Variants in ADCY2 observed in about 807,000 individuals in gnomAD.
The protein encoded by ADCY2 is adenylate cyclase 2, also known as adenylate cyclase type 2.
Under a neutral mutation model 125.2 loss-of-function variants are expected in ADCY2, and 31 were observed. That is an observed-to-expected ratio of 0.25 (90% CI 0.19 to 0.33). ADCY2 has a LOEUF of 0.33. Among genes scored for constraint, ADCY2 ranks in the 10% least tolerant of loss-of-function variants. The probability of loss-of-function intolerance (pLI) is 1.00; values close to 1 mark genes in which losing one functional copy is unlikely to be tolerated. For missense variants in ADCY2, 904 were observed against 1,418.2 expected (o/e 0.64, Z 5.82); for synonymous variants, 512 against 548.4 (o/e 0.93, Z 0.93).
At chr5:7,628,598 A>G (rs933887432) in intron 4 of ADCY2, among the ~76,000 whole-genome samples, 1 of 152,218 alleles carries the variant, frequency 6.6e-6, no homozygotes, top group African/African-American at 2.4e-5. Context: ...GAGAAGGGAC[A>G]CTTTAAAGAA....
intron 16 of ADCY2, 33 bp from the exon 17 acceptor site, chr5:7,766,654 A>G (rs1028153351): frequency 2.1e-5 from 34 of 1,610,056 alleles, no homozygotes; most frequent in Non-Finnish European, 2.9e-5. Context: ...TCTAATTTAC[A>G]TTAATTCATT....
intron 14 of ADCY2, 135 bp from the exon 15 acceptor site, chr5:7,743,533 T>C: frequency 1.3e-6 from 1 of 775,104 alleles, no homozygotes; most frequent in East Asian, 2.5e-5. Context: ...GCTCCATTTT[T>C]ATTTCTCAAA....
chr5:7,777,742 C>T (rs555460916), intron 18 of ADCY2, among the ~76,000 whole-genome samples: 6 of 152,086 alleles, frequency 3.9e-5, no homozygotes, highest in South Asian at 2.1e-4. Flanking sequence ...GAGTTGGCAG[C>T]GGAAAAAGGA....
intron 3 of ADCY2, among the ~76,000 whole-genome samples, chr5:7,564,131 C>T (rs548425737): frequency 1.4e-3 from 209 of 152,230 alleles, no homozygotes; most frequent in African/African-American, 4.9e-3. Flanking sequence ...TCTTTTCTCC[C>T]CTTGAACATG....
At chr5:7,650,906 A>C (rs768693820) in intron 4 of ADCY2, among the ~76,000 whole-genome samples, 10 of 152,112 alleles carry the variant, frequency 6.6e-5, no homozygotes, top group Admixed American at 3.3e-4. Context: ...TGTTTGCATA[A>C]ATGGGTGCTG....
At chr5:7,796,273 G>T (rs1231445623) in intron 20 of ADCY2, 1 of 152,222 alleles carries the variant, frequency 6.6e-6, no homozygotes, top group African/African-American at 2.4e-5. Context: ...CAGGGAGGCA[G>T]TTCCATTCCT....
chr5:7,481,724 T>A (rs1046708462), intron 2 of ADCY2, among the ~76,000 whole-genome samples: 1 of 152,210 alleles, frequency 6.6e-6, no homozygotes, highest in African/African-American at 2.4e-5. Context: ...AACAGCAGTC[T>A]GTATATATCT....
intron 2 of ADCY2, among the ~76,000 whole-genome samples, chr5:7,417,095 T>C (rs989109662): frequency 1.3e-5 from 2 of 152,198 alleles, no homozygotes; most frequent in African/African-American, 4.8e-5. Context: ...CATCCAGAAA[T>C]ATGCTCTTTT....
chr5:7,762,056 G>C (rs760265663), intron 16 of ADCY2, among the ~76,000 whole-genome samples: 1 of 152,182 alleles, frequency 6.6e-6, no homozygotes, highest in Non-Finnish European at 1.5e-5. Context: ...GCTGCCTTCT[G>C]TAGCAGTAGG....
intron 2 of ADCY2, among the ~76,000 whole-genome samples, chr5:7,479,142 C>A (rs1036689393): frequency 3.3e-5 from 5 of 151,988 alleles, no homozygotes; most frequent in Non-Finnish European, 2.9e-5. Context: ...AATTATAGTT[C>A]ATGCATTGGT....
At chr5:7,519,480 A>G (rs552992313) in intron 2 of ADCY2, among the ~76,000 whole-genome samples, 31 of 152,232 alleles carry the variant, frequency 2.0e-4, no homozygotes, top group Admixed American at 1.2e-3. Context: ...AGCTGGCCAC[A>G]TGTCCCATTC....
chr5:7,712,722 C>T (rs1184350056), intron 10 of ADCY2, 134 bp from the exon 11 acceptor site: 3 of 665,442 alleles, frequency 4.5e-6, no homozygotes, highest in Admixed American at 3.0e-5. Flanking sequence ...TTTTTCTCCA[C>T]ATGAGTAATT....
intron 2 of ADCY2, among the ~76,000 whole-genome samples, chr5:7,433,600 A>G (rs1740688166): frequency 6.6e-6 from 1 of 152,250 alleles, no homozygotes; most frequent in Admixed American, 6.5e-5. Flanking sequence ...AAATTGTGGA[A>G]CAGTTAGATA....
chr5:7,417,573 T>C (rs1168919128), intron 2 of ADCY2, among the ~76,000 whole-genome samples: 1 of 152,254 alleles, frequency 6.6e-6, no homozygotes, highest in Non-Finnish European at 1.5e-5. Context: ...GTTTGCTTTA[T>C]CATTGTTACT....
At chr5:7,769,569 T>C (rs1743496433) in intron 17 of ADCY2, among the ~76,000 whole-genome samples, 1 of 152,224 alleles carries the variant, frequency 6.6e-6, no homozygotes, top group Non-Finnish European at 1.5e-5. Context: ...TATCCTTTCA[T>C]ATATTTCCCA....
intron 3 of ADCY2, among the ~76,000 whole-genome samples, chr5:7,560,050 C>T (rs1252168683): frequency 1.3e-5 from 2 of 152,156 alleles, no homozygotes; most frequent in Non-Finnish European, 2.9e-5. Context: ...AAGACAAGAG[C>T]ATTAATCAGA....
intron 2 of ADCY2, among the ~76,000 whole-genome samples, chr5:7,473,523 T>C (rs1442387797): frequency 1.3e-5 from 2 of 152,198 alleles, no homozygotes; most frequent in Non-Finnish European, 2.9e-5. Flanking sequence ...GCCTCCAACA[T>C]TGGGAATAAA....
intron 3 of ADCY2, among the ~76,000 whole-genome samples, chr5:7,570,501 G>A (rs1579584205): frequency 6.6e-6 from 1 of 151,848 alleles, no homozygotes; most frequent in East Asian, 1.9e-4. Context: ...GTGTTTTGTC[G>A]CCTCTGGACA....
At chr5:7,615,965 T>A (rs56095625) in intron 3 of ADCY2, among the ~76,000 whole-genome samples, 1 of 152,188 alleles carries the variant, frequency 6.6e-6, no homozygotes, top group African/African-American at 2.4e-5. Context: ...TATTTAAGAA[T>A]GAAATAAAAA....
Sources: gnomAD v4.1 joint callset for allele counts (sites outside exome capture counted in the v4.1 genomes callset) on GRCh38, gnomAD v4.1.1 for gene constraint, MANE v1.5 for transcripts, NCBI Gene and HGNC (gene_info 2026-07-23, HGNC 2026-07-21) for gene names.